The following VRK2 variants were observed in gnomAD, a reference collection of about 807,000 sequenced individuals.
VRK2 encodes the protein serine/threonine-protein kinase VRK2.
In VRK2, 60 loss-of-function variants were observed where a neutral mutation model predicts 57.6. The ratio of observed to expected loss-of-function variants is 1.04; its 90% CI spans 0.85 to 1.29. The LOEUF is 1.29. Among genes scored for constraint, VRK2 ranks in the 50% most tolerant of loss-of-function variants. VRK2 has a pLI of 0.00. For missense variants in VRK2, 705 were observed against 588.1 expected (o/e 1.20, Z -2.06); for synonymous variants, 231 against 199.2 (o/e 1.16, Z -1.35).
At chr2:57,991,004 A>T (rs1178945475) in intron 1 of VRK2, among the ~76,000 whole-genome samples, 1 of 152,210 alleles carries the variant, frequency 6.6e-6, no homozygotes, top group Non-Finnish European at 1.5e-5. Context: ...AAAAAAAGAC[A>T]TACTTGAATA....
At chr2:58,148,147 A>T (rs1302700938) in intron 12 of VRK2, among the ~76,000 whole-genome samples, 1 of 151,900 alleles carries the variant, frequency 6.6e-6, no homozygotes, top group Non-Finnish European at 1.5e-5. Context: ...TACTCCCACC[A>T]GTAATGTACA....
chr2:58,133,578 G>A (rs1679530755), intron 9 of VRK2, among the ~76,000 whole-genome samples: 1 of 152,176 alleles, frequency 6.6e-6, no homozygotes, highest in Non-Finnish European at 1.5e-5. Context: ...ATAGCATGCT[G>A]CTGGATCAAT....
intron 1 of VRK2, among the ~76,000 whole-genome samples, chr2:58,003,051 A>T (rs553068828): frequency 1.3e-5 from 2 of 152,320 alleles, no homozygotes; most frequent in East Asian, 3.9e-4. Context: ...AGGTAAATAA[A>T]CTCAAATTCA....
chr2:58,143,960 T>C (rs1170969859), intron 11 of VRK2, among the ~76,000 whole-genome samples: 3 of 151,508 alleles, frequency 2.0e-5, no homozygotes, highest in South Asian at 4.1e-4. Context: ...TATATATGTA[T>C]ATACATATAT....
chr2:57,980,386 G>A (rs1672385371), intron 1 of VRK2, among the ~76,000 whole-genome samples: 1 of 152,088 alleles, frequency 6.6e-6, no homozygotes, highest in Non-Finnish European at 1.5e-5. Flanking sequence ...TTATTGCATT[G>A]TGGTCTGAGA....
chr2:58,025,122 C>A (rs1669607546), intron 1 of VRK2, among the ~76,000 whole-genome samples: 1 of 152,150 alleles, frequency 6.6e-6, no homozygotes, highest in Non-Finnish European at 1.5e-5. Context: ...TGGCTAATAG[C>A]ACAGATTCTA....
At chr2:58,051,241 T>G (rs907424533) in intron 2 of VRK2, among the ~76,000 whole-genome samples, 1 of 152,332 alleles carries the variant, frequency 6.6e-6, no homozygotes, top group East Asian at 1.9e-4. Flanking sequence ...ATCTGAACTT[T>G]AGAACCTGGA....
At chr2:57,935,066 T>C (rs1396846028) in intron 1 of VRK2, among the ~76,000 whole-genome samples, 1 of 152,226 alleles carries the variant, frequency 6.6e-6, no homozygotes, top group African/African-American at 2.4e-5. Flanking sequence ...AGAAAATTGG[T>C]AGATCTCCAT....
chr2:58,126,611 TG>T (rs1678387784), intron 8 of VRK2, among the ~76,000 whole-genome samples: 2 of 152,144 alleles, frequency 1.3e-5, no homozygotes, highest in Non-Finnish European at 2.9e-5. Context: ...CATATCTGTA[TG>T]TTTTTTTAAA....
chr2:58,088,513 T>G (rs1287274245), intron 6 of VRK2, 67 bp downstream of exon 6: 5 of 1,197,274 alleles, frequency 4.2e-6, no homozygotes, highest in Non-Finnish European at 4.9e-6. Flanking sequence ...AGAAATCTTT[T>G]CCCTTTGTGG....
At chr2:58,101,028 ATAGC>A (rs1157240684) in intron 7 of VRK2, among the ~76,000 whole-genome samples, 3 of 151,780 alleles carry the variant, frequency 2.0e-5, no homozygotes, top group Admixed American at 6.6e-5. Flanking sequence ...TATGTAAATG[ATAGC>A]TATCTGAATA....
At chr2:57,971,899 T>A (rs1272943580) in intron 1 of VRK2, among the ~76,000 whole-genome samples, 1 of 151,894 alleles carries the variant, frequency 6.6e-6, no homozygotes, top group Non-Finnish European at 1.5e-5. Flanking sequence ...TTTTTAAAAA[T>A]TATTATTATG....
intron 1 of VRK2, among the ~76,000 whole-genome samples, chr2:57,977,328 T>C (rs896531140): frequency 3.3e-5 from 5 of 152,190 alleles, no homozygotes; most frequent in African/African-American, 4.8e-5. Context: ...ATTTTAACAA[T>C]ATTGATTCTT....
At position 58,137,083 on chromosome 2, in the gene VRK2, T is replaced by C. The variant is rs1308007078; in HGVS notation, c.856+1884T>C. 9.3e-5 allele frequency among the ~76,000 whole-genome samples: 12 copies of C among 128,440 alleles called. No individual in the cohort carries two copies. In the East Asian group the frequency reaches 1.1e-3, roughly 11 times the overall value. The allele number at this position is 128,440 out of a possible 152,430, so 84.3% of individuals were successfully genotyped here. A position where few individuals can be genotyped will look rare whatever the true frequency, so the allele number is the denominator to read the frequency against. Reference sequence around the variant, plus strand: ...TATATCATATATCATATATAACATATATATGTGTATATATCATATATATAA... The same window carrying C: ...TATATCATATATCATATATAACATACATATGTGTATATATCATATATATAA... On this transcript the variant is annotated intron_variant, in intron 10 of 12. Coordinates refer to ENST00000340157, the MANE Select transcript of VRK2 (RefSeq NM_006296.7).
At chr2:57,942,144 G>A (rs1180902681) in intron 1 of VRK2, among the ~76,000 whole-genome samples, 2 of 152,024 alleles carry the variant, frequency 1.3e-5, no homozygotes, top group Non-Finnish European at 2.9e-5. Context: ...CTTTTTAGCA[G>A]GGGAAGAAAA....
chr2:58,050,968 C>G (rs1572854703), intron 2 of VRK2, among the ~76,000 whole-genome samples: 1 of 152,108 alleles, frequency 6.6e-6, no homozygotes, highest in African/African-American at 2.4e-5. Flanking sequence ...CCTCAACCTC[C>G]CAAGCATCTG....
intron 1 of VRK2, among the ~76,000 whole-genome samples, chr2:57,925,253 A>G (rs530409429): frequency 2.6e-5 from 4 of 151,984 alleles, no homozygotes; most frequent in African/African-American, 9.6e-5. Flanking sequence ...CTCCTGCTCT[A>G]TTTTTTCAAA....
chr2:58,153,029 C>T (rs1683292337), intron 12 of VRK2, among the ~76,000 whole-genome samples: 2 of 151,868 alleles, frequency 1.3e-5, no homozygotes, highest in Admixed American at 6.6e-5. Context: ...GTTCCATGAC[C>T]ACGTAGGAAT....
chr2:58,085,534 T>A (rs1407854598), intron 4 of VRK2, among the ~76,000 whole-genome samples: 1 of 151,880 alleles, frequency 6.6e-6, no homozygotes, highest in African/African-American at 2.4e-5. Context: ...ATTTTATAAA[T>A]GTGATATAGA....
Sources: gnomAD v4.1 joint callset for allele counts (sites outside exome capture counted in the v4.1 genomes callset) on GRCh38, gnomAD v4.1.1 for gene constraint, MANE v1.5 for transcripts, NCBI Gene and HGNC (gene_info 2026-07-23, HGNC 2026-07-21) for gene names.